TSPAN33: variants seen among roughly 807,000 people sequenced by gnomAD.
TSPAN33 encodes tetraspanin-33.
TSPAN33 carries 27 observed loss-of-function variants against 34.8 expected under a neutral mutation model. The ratio of observed to expected loss-of-function variants is 0.78; its 90% CI spans 0.57 to 1.07. The LOEUF is 1.07. Among genes scored for constraint, TSPAN33 ranks in the 50% least tolerant of loss-of-function variants. The probability of loss-of-function intolerance (pLI) is 0.00; values close to 1 mark genes in which losing one functional copy is unlikely to be tolerated. For synonymous variants in TSPAN33, 119 were observed against 124.2 expected, an observed-to-expected ratio of 0.96 and a Z score of 0.28; for missense variants, 272 against 324.9, an observed-to-expected ratio of 0.84 and a Z score of 1.25.
intron 4 of TSPAN33, among the ~76,000 whole-genome samples, chr7:129,163,871 A>G (rs1212865008): frequency 6.6e-6 from 1 of 152,026 alleles, no homozygotes; most frequent in African/African-American, 2.4e-5. Context: ...AACCCAGGAG[A>G]AGGAGGTTGC....
At position 129,167,981 on chromosome 7, in the gene TSPAN33, G is replaced by C; in HGVS notation, c.*107G>C. 1 of 1,498,330 alleles carries C rather than the reference G, an allele frequency of 6.7e-7. No individual in the cohort carries two copies. Among genetic ancestry groups the C allele is most frequent in the South Asian group, 1.3e-5 (1 of 75,746 alleles). 92.8% of individuals were successfully genotyped at this position (1,498,330 alleles called of 1,614,324 possible). A position where few individuals can be genotyped will look rare whatever the true frequency, so the allele number is the denominator to read the frequency against. On this transcript the variant is annotated 3_prime_UTR_variant, in exon 8 of 8. Coordinates refer to ENST00000486685, the MANE Select transcript of TSPAN33 (RefSeq NM_178562.5). This position sits in a 1 kb window ranked among gnomAD's most constrained non-coding sequence, Gnocchi z 4.6. ...TGGAGATTTGGATTCCAGCCCCCCA[G>C]TGACAGCCCAGTGGGAAGAAGCAAA...
At chr7:129,151,008 C>T (rs968367) in intron 1 of TSPAN33, among the ~76,000 whole-genome samples, 151,211 of 152,332 alleles carry the variant, frequency 0.99, 75,061 homozygotes, top group Middle Eastern at 1. Flanking sequence ...TATGGAGATA[C>T]TTCCTATATA....
chr7:129,166,916 C>T lies in TSPAN33; in HGVS notation c.588+10C>T, dbSNP rs771767924. On this transcript the variant is annotated intron_variant, in intron 6 of 7. Coordinates refer to ENST00000486685, the MANE Select transcript of TSPAN33 (RefSeq NM_178562.5). Reference sequence around the variant, plus strand: ...GCCTACTCCTGACCAGGTGAGCCAGCATCCTGCCTCATTTCCTCCTAGGCA... The same window carrying T: ...GCCTACTCCTGACCAGGTGAGCCAGTATCCTGCCTCATTTCCTCCTAGGCA... The T allele has an allele frequency of 6.8e-6, 11 of 1,610,520 alleles. No homozygotes were observed. Among genetic ancestry groups the T allele is most frequent in the African/African-American group, 2.7e-5 (2 of 74,804 alleles).
rs911367285 is a variant in TSPAN33 at position 129,165,579 on chromosome 7, C to T, written c.459+1010C>T. ...CAGTGGAGAAAAGGGTTGCTTCCAC[C>T]GTTCGGCTACTGTGAACAAGGCTGC... On this transcript the variant is annotated intron_variant, in intron 5 of 7. Transcript: ENST00000486685. This position sits in a 1 kb window ranked among gnomAD's most constrained non-coding sequence, Gnocchi z 4.5. Among the ~76,000 whole-genome samples the T allele has an allele frequency of 4.6e-5, 7 of 152,174 alleles. No homozygotes were observed. Among genetic ancestry groups the T allele is most frequent in the Admixed American group, 3.9e-4 (6 of 15,282 alleles).
chr7:129,163,449 A>G (rs887501304), intron 4 of TSPAN33, among the ~76,000 whole-genome samples: 2 of 149,086 alleles, frequency 1.3e-5, no homozygotes, highest in Non-Finnish European at 3.0e-5. Context: ...TCCATCTCCT[A>G]AGTCTCTGGG....
Position 129,167,398 on chromosome 7 carries a change from G to A in TSPAN33, c.589-1G>A, listed in dbSNP as rs1370347841. 6.2e-7 allele frequency: 1 copy of A among 1,607,590 alleles called. No homozygotes were observed. The highest frequency in any genetic ancestry group is 8.5e-7 in the Non-Finnish European group (1 of 1,175,102). On this transcript the variant is annotated splice_acceptor_variant, in intron 6 of 7. Transcript: ENST00000486685. LOFTEE classifies it high-confidence loss of function. The surrounding 1 kb of genome is among the most constrained non-coding windows in gnomAD (Gnocchi z 4.6). Reference sequence around the variant, plus strand: ...AATTGGCTTTTCAACTCTTTCCCCAGGCAGTGATCAACACTATGTGTGGCC... The same window carrying A: ...AATTGGCTTTTCAACTCTTTCCCCAAGCAGTGATCAACACTATGTGTGGCC...
In TSPAN33 at chr7:129,148,945, A is replaced by G. The variant is rs1810555677; in HGVS notation, c.102+3863A>G. Reference sequence around the variant, plus strand: ...ACCATGAGGAAGTAACCAGGCATCAAGCCAGGCAAAAACCTCTTCTAAGTG... The same window carrying G: ...ACCATGAGGAAGTAACCAGGCATCAGGCCAGGCAAAAACCTCTTCTAAGTG... On this transcript the variant is annotated intron_variant, in intron 1 of 7. Transcript: ENST00000486685. The surrounding 1 kb of genome is among the most constrained non-coding windows in gnomAD (Gnocchi z 4.2). Among the ~76,000 whole-genome samples, 1 of 152,154 alleles carries G rather than the reference A, an allele frequency of 6.6e-6. No individual in the cohort carries two copies. Among genetic ancestry groups the G allele is most frequent in the Non-Finnish European group, 1.5e-5 (1 of 68,018 alleles).
At chr7:129,146,592 T>C (rs1810523608) in intron 1 of TSPAN33, among the ~76,000 whole-genome samples, 1 of 152,100 alleles carries the variant, frequency 6.6e-6, no homozygotes, top group South Asian at 2.1e-4. Flanking sequence ...TGGGCAGTAT[T>C]AGTAGTTAAC....
Position 129,169,194 on chromosome 7 carries a change from T to TC in TSPAN33, c.*1324dup, listed in dbSNP as rs1402253342. On this transcript the variant is annotated 3_prime_UTR_variant, in exon 8 of 8. Transcript: ENST00000486685. ...AATGAGGAGGAAGAAGGCCCTCTCT[T>TC]CCCCTACCCGGGCCCTCCAGGACCT... Among the ~76,000 whole-genome samples, 1 of 152,120 alleles carries TC rather than the reference T, an allele frequency of 6.6e-6. No homozygotes were observed. The highest frequency in any genetic ancestry group is 1.9e-4 in the East Asian group (1 of 5,180).
intron 2 of TSPAN33, 87 bp downstream of exon 2, chr7:129,161,823 C>T: frequency 1.3e-6 from 2 of 1,551,160 alleles, no homozygotes; most frequent in South Asian, 2.2e-5. Context: ...CACACATAAG[C>T]TATGGGGCTA....
Position 129,162,292 on chromosome 7 carries a change from C to A in TSPAN33, c.161-102C>A, listed in dbSNP as rs1209856788. On this transcript the variant is annotated intron_variant, in intron 2 of 7. Transcript: ENST00000486685. ...CCTTCATCCAACCATAATGGAGATT[C>A]CCCCACCAGGGGAAGGAGAACAGTT... 7.2e-6 allele frequency: 11 copies of A among 1,535,224 alleles called. No individual in the cohort carries two copies. In the East Asian group the frequency reaches 2.5e-4, roughly 35 times the overall value.
At chr7:129,157,663 G>A (rs71583810) in intron 1 of TSPAN33, among the ~76,000 whole-genome samples, 1 of 152,226 alleles carries the variant, frequency 6.6e-6, no homozygotes, top group Admixed American at 6.5e-5. Context: ...ATGCAGCCTA[G>A]GCATTAGCAG....
At chr7:129,154,921 G>C (rs1386091178) in intron 1 of TSPAN33, among the ~76,000 whole-genome samples, 1 of 152,048 alleles carries the variant, frequency 6.6e-6, no homozygotes, top group African/African-American at 2.4e-5. Context: ...TTTATCCAAA[G>C]AAAAAGAAAT....
At chr7:129,160,512 G>A (rs1793031823) in intron 1 of TSPAN33, among the ~76,000 whole-genome samples, 1 of 152,204 alleles carries the variant, frequency 6.6e-6, no homozygotes, top group Admixed American at 6.5e-5. Flanking sequence ...GGGGGCTAGG[G>A]GGTAGATAAG....
At chr7:129,158,526 C>T (rs563531341) in intron 1 of TSPAN33, among the ~76,000 whole-genome samples, 6 of 152,186 alleles carry the variant, frequency 3.9e-5, no homozygotes, top group Non-Finnish European at 5.9e-5. Flanking sequence ...AGTAGTTTTC[C>T]GTCCTCTCCT....
intron 5 of TSPAN33, chr7:129,164,777 T>C (rs1793111767): frequency 4.0e-6 from 2 of 501,456 alleles, no homozygotes; most frequent in Non-Finnish European, 7.3e-6. Flanking sequence ...TACTGTGTTA[T>C]AAATGGTTAC....
intron 1 of TSPAN33, among the ~76,000 whole-genome samples, chr7:129,159,252 G>C (rs1221090590): frequency 1.3e-5 from 2 of 152,094 alleles, no homozygotes; most frequent in Non-Finnish European, 2.9e-5. Flanking sequence ...GTAGAGATGG[G>C]GTTTCACCAT....
In TSPAN33 at chr7:129,167,753, T is replaced by C; in HGVS notation, c.751-20T>C. ...CCATCACTCACTGCTGAGTGCCCAA[T>C]TCCTTCTTGCCTCTCCCAGCTGGTG... On this transcript the variant is annotated intron_variant, in intron 7 of 7. Coordinates refer to ENST00000486685, the MANE Select transcript of TSPAN33 (RefSeq NM_178562.5). This position sits in a 1 kb window ranked among gnomAD's most constrained non-coding sequence, Gnocchi z 4.6. The C allele has an allele frequency of 6.2e-7, 1 of 1,613,150 alleles. No homozygotes were observed. The highest frequency in any genetic ancestry group is 8.5e-7 in the Non-Finnish European group (1 of 1,179,234).
At chr7:129,161,903 C>T (rs1460948254) in intron 2 of TSPAN33, among the ~76,000 whole-genome samples, 167 bp downstream of exon 2, 1 of 152,220 alleles carries the variant, frequency 6.6e-6, no homozygotes, top group East Asian at 1.9e-4. Flanking sequence ...AGGCCAGTGC[C>T]CCTGGATTTC....
Sources: gnomAD v4.1 joint callset for allele counts (sites outside exome capture counted in the v4.1 genomes callset) on GRCh38, gnomAD v4.1.1 for gene constraint, Gnocchi (gnomAD v3.1) non-coding constraint, MANE v1.5 for transcripts, NCBI Gene and HGNC (gene_info 2026-07-23, HGNC 2026-07-21) for gene names.